Variants in INVS observed in about 807,000 individuals in gnomAD.
INVS encodes inversion of embryo turning homolog.
A neutral mutation model predicts 108.8 loss-of-function variants in INVS; 86 were observed. The ratio of observed to expected loss-of-function variants is 0.79; its 90% CI spans 0.66 to 0.95. The LOEUF is 0.95. Ranked by LOEUF, INVS falls within the 40% of genes least tolerant of loss-of-function variation. The probability of loss-of-function intolerance (pLI) is 0.00; values close to 1 mark genes in which losing one functional copy is unlikely to be tolerated. For missense variants in INVS, 1,169 were observed against 1,297.4 expected (o/e 0.90, Z 1.52); for synonymous variants, 455 against 473.5 (o/e 0.96, Z 0.51).
intron 2 of INVS, among the ~76,000 whole-genome samples, chr9:100,123,501 G>A (rs1827788242): frequency 6.6e-6 from 1 of 152,182 alleles, no homozygotes; most frequent in African/African-American, 2.4e-5. Context: ...CCATTCGTCA[G>A]TTGATGAATA....
chr9:100,298,233 T>A, intron 16 of INVS: 1 of 1,436,638 alleles, frequency 7.0e-7, no homozygotes, highest in Non-Finnish European at 9.1e-7. Context: ...CCAACAGAAA[T>A]AAATGGTAGC....
intron 3 of INVS, among the ~76,000 whole-genome samples, chr9:100,136,898 G>A (rs540653681): frequency 1.3e-5 from 2 of 152,252 alleles, no homozygotes; most frequent in East Asian, 3.9e-4. Flanking sequence ...AAATTAGCCA[G>A]GTGTAGTGAC....
chr9:100,166,697 A>G (rs2119027235), intron 3 of INVS, among the ~76,000 whole-genome samples: 1 of 152,312 alleles, frequency 6.6e-6, no homozygotes, highest in Admixed American at 6.5e-5. Flanking sequence ...TTGTTGATTT[A>G]TCTACAAACC....
chr9:100,284,848 TC>T (rs550701518), intron 13 of INVS, among the ~76,000 whole-genome samples: 32 of 152,346 alleles, frequency 2.1e-4, no homozygotes, highest in African/African-American at 7.7e-4. Context: ...TGTTTTCTTT[TC>T]TTTTTTAGAG....
chr9:100,265,514 T>A (rs995415927), intron 11 of INVS, among the ~76,000 whole-genome samples: 8 of 152,174 alleles, frequency 5.3e-5, no homozygotes, highest in Non-Finnish European at 1.2e-4. Context: ...TGCTTCTGAC[T>A]TCTGGCTAAC....
intron 2 of INVS, among the ~76,000 whole-genome samples, chr9:100,111,069 A>G (rs762111742): frequency 2.5e-4 from 38 of 152,258 alleles, no homozygotes; most frequent in Non-Finnish European, 5.4e-4. Flanking sequence ...ACTCTATAAC[A>G]ATAAGCAGAG....
chr9:100,116,861 A>G (rs1272119796), intron 2 of INVS: 17 of 1,263,454 alleles, frequency 1.3e-5, no homozygotes, highest in African/African-American at 4.5e-5. Flanking sequence ...GGTAAATACA[A>G]TCTTCCAGAG....
In INVS at chr9:100,297,996, T is replaced by C; in HGVS notation, c.3077T>C (p.Leu1026Pro). 1.2e-6 allele frequency: 2 copies of C among 1,614,186 alleles called. No homozygotes were observed. The highest frequency in any genetic ancestry group is 1.7e-6 in the Non-Finnish European group (2 of 1,179,990). The change falls in exon 16 of 17, where the codon CTG (leucine) becomes CCG (proline). Residue 1026 changes from leucine to proline, a missense_variant. By Grantham distance (98) the Leu-to-Pro change is moderately conservative. Around this residue, in one of 3 missense-constraint regions of INVS, gnomAD observed 533 missense variants for 536.0 expected, o/e 0.99. Coordinates refer to ENST00000262457, the MANE Select transcript of INVS (RefSeq NM_014425.5). ...PTRSVKASSV[L>P]RLNSVSNLQC... ...AGATCTGTAAAAGCCTCTTCTGTGC[T>C]GCGTCTCAACTCAGGTAAGGCAGCC...
intron 3 of INVS, among the ~76,000 whole-genome samples, chr9:100,169,526 TG>T (rs1281760287): frequency 6.6e-6 from 1 of 152,198 alleles, no homozygotes; most frequent in Non-Finnish European, 1.5e-5. Flanking sequence ...TAATGATAAA[TG>T]TTAAACACAA....
chr9:100,193,448 C>T (rs559752073), intron 3 of INVS, among the ~76,000 whole-genome samples: 2 of 152,270 alleles, frequency 1.3e-5, no homozygotes, highest in East Asian at 3.9e-4. Context: ...ACTATTCCTT[C>T]TGCGTATTTA....
intron 3 of INVS, among the ~76,000 whole-genome samples, chr9:100,137,976 G>T (rs534307807): frequency 6.6e-6 from 1 of 152,222 alleles, no homozygotes; most frequent in South Asian, 2.1e-4. Flanking sequence ...ACTTTAAAAA[G>T]AGTTAAACTT....
chr9:100,285,497 G>A lies in INVS; in HGVS notation c.2068+894G>A, dbSNP rs555048584. ...CCCCAAGACTACCACCAGGTTTGGT[G>A]AGGTTGGAGGATTTACTAGTTTGAC... is the stretch of plus-strand genomic sequence containing the variant. On this transcript the variant is annotated intron_variant, in intron 13 of 16. Transcript: ENST00000262457. Among the ~76,000 whole-genome samples, 199 of 152,320 alleles carry A rather than the reference G, an allele frequency of 1.3e-3. 1 individual carries two copies. The highest frequency in any genetic ancestry group is 2.1e-3 in the Non-Finnish European group (142 of 68,032).
chr9:100,271,200 CATAG>C (rs1410684574), intron 11 of INVS, among the ~76,000 whole-genome samples: 1 of 152,140 alleles, frequency 6.6e-6, no homozygotes, highest in Admixed American at 6.5e-5. Context: ...ATACATTTTT[CATAG>C]ATAAACATAC....
At chr9:100,213,767 G>A (rs922391505) in intron 3 of INVS, among the ~76,000 whole-genome samples, 11 of 152,138 alleles carry the variant, frequency 7.2e-5, no homozygotes, top group Admixed American at 6.5e-5. Context: ...CATCACAACT[G>A]AGGAACACCG....
intron 4 of INVS, 107 bp from the exon 5 acceptor site, chr9:100,229,553 A>G: frequency 1.1e-6 from 1 of 920,302 alleles, no homozygotes; most frequent in Non-Finnish European, 1.8e-6. Context: ...ACAAAGATAC[A>G]GGGCAACTAC....
intron 3 of INVS, among the ~76,000 whole-genome samples, chr9:100,201,175 G>A (rs1417041031): frequency 6.6e-6 from 1 of 152,230 alleles, no homozygotes; most frequent in African/African-American, 2.4e-5. Flanking sequence ...GTCCCATAAG[G>A]GTGGTATGGA....
intron 13 of INVS, among the ~76,000 whole-genome samples, chr9:100,287,138 T>C (rs1833469368): frequency 6.6e-6 from 1 of 152,228 alleles, no homozygotes; most frequent in Non-Finnish European, 1.5e-5. Context: ...ATGTCTAAGA[T>C]ATAGTCACTT....
chr9:100,165,633 A>G (rs910950183), intron 3 of INVS, among the ~76,000 whole-genome samples: 8 of 152,154 alleles, frequency 5.3e-5, no homozygotes, highest in African/African-American at 1.7e-4. Flanking sequence ...ATCATTATGA[A>G]CAAGGCCTAG....
At chr9:100,201,379 T>C (rs7866669) in intron 3 of INVS, among the ~76,000 whole-genome samples, 29,384 of 152,180 alleles carry the variant, frequency 0.19, 4,522 homozygotes, top group African/African-American at 0.43. Context: ...GGTACCATTT[T>C]TAGCTTCCAA....
Sources: gnomAD v4.1 joint callset for allele counts (sites outside exome capture counted in the v4.1 genomes callset) on GRCh38, gnomAD v4.1.1 for gene constraint, gnomAD v4.1.1 regional missense constraint, MANE v1.5 for transcripts, NCBI Gene and HGNC (gene_info 2026-07-23, HGNC 2026-07-21) for gene names.